Variants in GJC1 observed in about 807,000 individuals in gnomAD.
The protein encoded by GJC1 is gap junction protein gamma 1.
In GJC1, 5 loss-of-function variants were observed where a neutral mutation model predicts 29.3. The ratio of observed to expected loss-of-function variants is 0.17; its 90% CI spans 0.09 to 0.36. GJC1 has a LOEUF of 0.36. Ranked by LOEUF, GJC1 falls within the 10% of genes least tolerant of loss-of-function variation. The pLI is 1.00. For synonymous variants in GJC1, 177 were observed against 183.3 expected, an observed-to-expected ratio of 0.97 and a Z score of 0.28; for missense variants, 310 against 496.2, an observed-to-expected ratio of 0.62 and a Z score of 3.56.
At chr17:44,806,408 T>TG (rs2049913693) in intron 2 of GJC1, among the ~76,000 whole-genome samples, 1 of 150,836 alleles carries the variant, frequency 6.6e-6, no homozygotes, top group Admixed American at 6.6e-5. Context: ...TTTGTTTTTT[T>TG]TTTTTTTTTT....
chr17:44,819,574 C>A (rs1480409031), intron 1 of GJC1, among the ~76,000 whole-genome samples: 1 of 151,822 alleles, frequency 6.6e-6, no homozygotes, highest in Non-Finnish European at 1.5e-5. Context: ...AGGAGAACAG[C>A]GTGAACCCAG....
intron 1 of GJC1, among the ~76,000 whole-genome samples, chr17:44,816,305 T>C (rs2145340259): frequency 6.6e-6 from 1 of 152,106 alleles, no homozygotes; most frequent in Non-Finnish European, 1.5e-5. Context: ...TTTTAGTCTA[T>C]TTTCCAAATA....
At chr17:44,824,901 T>A (rs1597761086) in intron 1 of GJC1, among the ~76,000 whole-genome samples, 1 of 133,078 alleles carries the variant, frequency 7.5e-6, no homozygotes, top group Non-Finnish European at 1.6e-5. Flanking sequence ...CAAGTGCTTA[T>A]ATGTTTTGGG....
chr17:44,812,568 CT>C lies in GJC1; in HGVS notation c.-96-5100del, dbSNP rs1226156080. On this transcript the variant is annotated intron_variant, in intron 1 of 2. Coordinates refer to ENST00000592524, the MANE Select transcript of GJC1 (RefSeq NM_005497.4). ...GCTACTTACAAATGTTTTGGTTTTCCTTATGTCCTTCTAGTCTTTATCTAAA... is the reference window on the plus strand; with the variant it reads ...GCTACTTACAAATGTTTTGGTTTTCCTATGTCCTTCTAGTCTTTATCTAAA... Among the ~76,000 whole-genome samples, 6 of 152,090 alleles carry C rather than the reference CT, an allele frequency of 3.9e-5. No homozygotes were observed. In the East Asian group the frequency reaches 1.2e-3, roughly 29 times the overall value.
chr17:44,831,023 G>A (rs1182411191), upstream of GJC1, among the ~76,000 whole-genome samples: 1 of 152,162 alleles, frequency 6.6e-6, no homozygotes, highest in Non-Finnish European at 1.5e-5. Flanking sequence ...AATAAAGGAA[G>A]GCTCAGTAAA....
chr17:44,808,226 A>G (rs969397432), intron 1 of GJC1, among the ~76,000 whole-genome samples: 2 of 152,090 alleles, frequency 1.3e-5, no homozygotes, highest in African/African-American at 4.8e-5. Flanking sequence ...TTAAAGATAC[A>G]GGAAAAAAAA....
At chr17:44,816,007 G>T (rs1175550957) in intron 1 of GJC1, among the ~76,000 whole-genome samples, 2 of 150,906 alleles carry the variant, frequency 1.3e-5, no homozygotes, top group Non-Finnish European at 2.9e-5. Flanking sequence ...CAGCTACTCG[G>T]GAGGCTGAGG....
rs2049855321 is a variant in GJC1, at chr17:44,802,096, T to C, written c.*2531A>G. On this transcript the variant is annotated 3_prime_UTR_variant, in exon 3 of 3. Coordinates refer to ENST00000592524, the MANE Select transcript of GJC1 (RefSeq NM_005497.4). ...GTGCATGTGGGGAGGTGACAGAATA[T>C]CTTTATATGTACTTTAAGAAGCTGA... 1 of 152,178 alleles carries C rather than the reference T, an allele frequency of 6.6e-6. No individual in the cohort carries two copies. The highest frequency in any genetic ancestry group is 2.1e-4 in the South Asian group (1 of 4,828). The allele number at this position is 152,178 out of a possible 1,614,324, so 9.4% of individuals were successfully genotyped here.
At chr17:44,818,060 A>C (rs371568189) in intron 1 of GJC1, among the ~76,000 whole-genome samples, 1 of 152,056 alleles carries the variant, frequency 6.6e-6, no homozygotes, top group African/African-American at 2.4e-5. Flanking sequence ...TAAAAATAGA[A>C]AAATTAGCCA....
intron 1 of GJC1, among the ~76,000 whole-genome samples, chr17:44,811,731 C>T (rs1210609996): frequency 2.6e-5 from 4 of 151,858 alleles, no homozygotes; most frequent in Non-Finnish European, 4.4e-5. Context: ...TAGGCCGGCG[C>T]GGTGGCTCAC....
intron 1 of GJC1, among the ~76,000 whole-genome samples, chr17:44,818,833 C>T (rs1038389311): frequency 1.3e-5 from 2 of 151,858 alleles, no homozygotes; most frequent in Non-Finnish European, 2.9e-5. Context: ...GCTGGCTGGG[C>T]GTGGTGGCTG....
In GJC1 at chr17:44,803,532, T is replaced by C. The variant is rs1597739494; in HGVS notation, c.*1095A>G. 6.6e-6 allele frequency: 1 copy of C among 152,220 alleles called. No homozygotes were observed. Among genetic ancestry groups the C allele is most frequent in the Admixed American group, 6.5e-5 (1 of 15,278 alleles). 9.4% of individuals were successfully genotyped at this position (152,220 alleles called of 1,614,324 possible). A position where few individuals can be genotyped will look rare whatever the true frequency, so the allele number is the denominator to read the frequency against. On this transcript the variant is annotated 3_prime_UTR_variant, in exon 3 of 3. Transcript: ENST00000592524. ...TAAGAATTTAATCACAAAACTTCTA[T>C]GGTAAATTATAAAAAATAAGAAATT...
intron 2 of GJC1, 111 bp downstream of exon 2, chr17:44,807,283 G>A (rs1393500450): frequency 6.6e-6 from 1 of 152,116 alleles, no homozygotes; most frequent in African/African-American, 2.4e-5. Context: ...CCCCAATAAA[G>A]CCCCGACACA....
upstream of GJC1, chr17:44,830,580 C>T (rs2050223115): frequency 1.0e-5 from 4 of 398,590 alleles, no homozygotes; most frequent in Non-Finnish European, 1.8e-5. The surrounding 1 kb of genome is among the most constrained non-coding windows in gnomAD (Gnocchi z 4.3). Context: ...GAGAGTCCCC[C>T]GCCAGCCGCG....
At chr17:44,824,415 C>T (rs939198307) in intron 1 of GJC1, among the ~76,000 whole-genome samples, 1 of 152,120 alleles carries the variant, frequency 6.6e-6, no homozygotes, top group African/African-American at 2.4e-5. Flanking sequence ...CCTCCTGCCT[C>T]ATCCTCCTGA....
At chr17:44,795,361 GTA>G (rs146537584), downstream of GJC1, among the ~76,000 whole-genome samples, 21,026 of 152,140 alleles carry the variant, frequency 0.14, 1,595 homozygotes, top group African/African-American at 0.2. Flanking sequence ...AGCCTCCCGA[GTA>G]GCTGGGATTA....
At chr17:44,817,181 G>A (rs903654450) in intron 1 of GJC1, among the ~76,000 whole-genome samples, 1 of 151,914 alleles carries the variant, frequency 6.6e-6, no homozygotes, top group South Asian at 2.1e-4. Context: ...ACTCCAGCCT[G>A]GGCAACAAGA....
chr17:44,815,426 A>G (rs1055589884), intron 1 of GJC1, among the ~76,000 whole-genome samples: 1 of 152,214 alleles, frequency 6.6e-6, no homozygotes, highest in Non-Finnish European at 1.5e-5. Flanking sequence ...GATCACAGGC[A>G]ATGTAAATCT....
chr17:44,796,187 G>A (rs762442424), downstream of GJC1, among the ~76,000 whole-genome samples: 2 of 152,238 alleles, frequency 1.3e-5, no homozygotes, highest in African/African-American at 2.4e-5. Flanking sequence ...ACCTAGGTCC[G>A]TGGGGGTGGA....
Sources: gnomAD v4.1 joint callset for allele counts (sites outside exome capture counted in the v4.1 genomes callset) on GRCh38, gnomAD v4.1.1 for gene constraint, Gnocchi (gnomAD v3.1) non-coding constraint, MANE v1.5 for transcripts, NCBI Gene and HGNC (gene_info 2026-07-23, HGNC 2026-07-21) for gene names.